RGS20: variants seen among roughly 807,000 people sequenced by gnomAD.
RGS20 encodes gz-selective GTPase-activating protein.
Under a neutral mutation model 33.6 loss-of-function variants are expected in RGS20, and 30 were observed. The ratio of observed to expected loss-of-function variants is 0.89; its 90% CI spans 0.67 to 1.21. The LOEUF (loss-of-function observed/expected upper bound fraction) is 1.21, where lower values mean the gene tolerates loss of function less well. Among genes scored for constraint, RGS20 ranks in the 50% most tolerant of loss-of-function variants. The probability of loss-of-function intolerance (pLI) is 0.00; values close to 1 mark genes in which losing one functional copy is unlikely to be tolerated. For synonymous variants in RGS20, 208 were observed against 197.9 expected (o/e 1.05, Z -0.43); for missense variants, 472 against 502.4 (o/e 0.94, Z 0.58).
intron 1 of RGS20, among the ~76,000 whole-genome samples, chr8:53,855,378 C>T (rs908459499): frequency 1.3e-5 from 2 of 152,108 alleles, no homozygotes; most frequent in African/African-American, 4.8e-5. Flanking sequence ...ATAAGCCACT[C>T]TTGAAATAAA....
intron 1 of RGS20, among the ~76,000 whole-genome samples, chr8:53,865,351 C>G (rs1811896225): frequency 6.6e-6 from 1 of 152,206 alleles, no homozygotes; most frequent in Non-Finnish European, 1.5e-5. Flanking sequence ...CAGCCTCTAT[C>G]CCACAGTTTC....
chr8:53,942,432 G>A (rs954950035), intron 3 of RGS20, among the ~76,000 whole-genome samples: 6 of 151,632 alleles, frequency 4.0e-5, no homozygotes, highest in Non-Finnish European at 7.4e-5. Context: ...GCACTCCAGT[G>A]TGTGTAACAG....
At chr8:53,928,549 C>T (rs1813865146) in intron 2 of RGS20, among the ~76,000 whole-genome samples, 1 of 152,248 alleles carries the variant, frequency 6.6e-6, no homozygotes, top group South Asian at 2.1e-4. Context: ...CTCACCAGGG[C>T]GCGGTGGCTT....
intron 2 of RGS20, among the ~76,000 whole-genome samples, chr8:53,885,339 C>T (rs1812509078): frequency 6.6e-6 from 1 of 152,272 alleles, no homozygotes; most frequent in South Asian, 2.1e-4. Flanking sequence ...AGAGGCCGGG[C>T]GCGGTGGCTC....
At chr8:53,855,186 T>A (rs1811646015) in intron 1 of RGS20, among the ~76,000 whole-genome samples, 3 of 152,094 alleles carry the variant, frequency 2.0e-5, no homozygotes, top group African/African-American at 7.2e-5. Context: ...CACCTCTGCC[T>A]CCCAAGAAGC....
chr8:53,868,653 A>AATATATAT (rs56657753), intron 1 of RGS20, among the ~76,000 whole-genome samples: 75 of 149,738 alleles, frequency 5.0e-4, no homozygotes, highest in African/African-American at 1.7e-3. Flanking sequence ...TTCACTGGTA[A>AATATATAT]ATATATATAT....
intron 5 of RGS20, 43 bp from the exon 5 acceptor site, chr8:53,958,227 A>T: frequency 7.0e-7 from 1 of 1,422,104 alleles, no homozygotes. Flanking sequence ...ATAGAGATAC[A>T]ACTGAAGTCT....
At chr8:53,890,509 C>T (rs1490479843) in intron 2 of RGS20, among the ~76,000 whole-genome samples, 1 of 152,070 alleles carries the variant, frequency 6.6e-6, no homozygotes, top group Non-Finnish European at 1.5e-5. Flanking sequence ...TGTGTAGGTT[C>T]TGGTAATTTC....
At chr8:53,885,702 G>A (rs1035318368) in intron 2 of RGS20, among the ~76,000 whole-genome samples, 2 of 152,040 alleles carry the variant, frequency 1.3e-5, no homozygotes, top group African/African-American at 4.8e-5. Flanking sequence ...TCTTCCAGGG[G>A]AGGTACTTCT....
chr8:53,890,239 T>C (rs939666946), intron 2 of RGS20, among the ~76,000 whole-genome samples: 1 of 152,230 alleles, frequency 6.6e-6, no homozygotes, highest in African/African-American at 2.4e-5. Flanking sequence ...CTGAGTCTTC[T>C]GTCAAATCAT....
intron 2 of RGS20, among the ~76,000 whole-genome samples, chr8:53,883,046 C>G (rs1812440810): frequency 6.6e-6 from 1 of 152,224 alleles, no homozygotes; most frequent in Non-Finnish European, 1.5e-5. Context: ...TTTTTTGGCA[C>G]AACCATAGTT....
Position 53,879,427 on chromosome 8 carries a change from C to G in RGS20, c.335C>G (p.Pro112Arg). The stretch of plus-strand genomic sequence containing the variant: ...TTCTCCCCCCTGCTTCCCGCCCTGC[C>G]GGCCGCCCGGCTCTCGAGGGGGCAC... Residue 112 changes from proline (P) to arginine (R), a missense_variant, in exon 2 of 6, where the codon CCG becomes CGG. This residue lies in a region of RGS20 where 319 missense variants were observed against 283.4 expected (regional missense o/e 1.13). Coordinates refer to ENST00000297313, the MANE Select transcript of RGS20 (RefSeq NM_170587.4). The G allele has an allele frequency of 6.2e-7, 1 of 1,606,814 alleles. No homozygotes were observed. Among genetic ancestry groups the G allele is most frequent in the Middle Eastern group, 1.7e-4 (1 of 5,942 alleles).
At chr8:53,880,943 C>T in intron 2 of RGS20, 1 of 1,561,190 alleles carries the variant, frequency 6.4e-7, no homozygotes, top group Non-Finnish European at 8.6e-7. Context: ...AGGCGAAAGG[C>T]GCGGTGAGCA....
chr8:53,892,674 G>A (rs570813911), intron 2 of RGS20, among the ~76,000 whole-genome samples: 15 of 152,242 alleles, frequency 9.9e-5, no homozygotes, highest in South Asian at 4.1e-4. Flanking sequence ...TTGCTTTAAC[G>A]TAATACATGT....
intron 2 of RGS20, among the ~76,000 whole-genome samples, chr8:53,899,711 T>C (rs1241321521): frequency 6.6e-6 from 1 of 152,202 alleles, no homozygotes; most frequent in Non-Finnish European, 1.5e-5. Flanking sequence ...AGCATCCTGT[T>C]TGCACAGTTC....
intron 2 of RGS20, among the ~76,000 whole-genome samples, chr8:53,881,587 C>G (rs1168746247): frequency 6.6e-6 from 1 of 152,006 alleles, no homozygotes; most frequent in South Asian, 2.1e-4. Flanking sequence ...ATCGTAGCGC[C>G]TCCTTTTAGG....
chr8:53,917,859 C>G (rs552436269), intron 2 of RGS20, among the ~76,000 whole-genome samples: 21 of 152,254 alleles, frequency 1.4e-4, no homozygotes, highest in African/African-American at 4.6e-4. Flanking sequence ...TCAAAAGAAA[C>G]CTTGTACCCA....
At chr8:53,866,612 C>T (rs1202835143) in intron 1 of RGS20, among the ~76,000 whole-genome samples, 1 of 152,110 alleles carries the variant, frequency 6.6e-6, no homozygotes, top group African/African-American at 2.4e-5. Flanking sequence ...GAACTCCTGA[C>T]CTTAGGTGAT....
chr8:53,873,337 G>T (rs1319201745), intron 1 of RGS20, among the ~76,000 whole-genome samples: 3 of 152,142 alleles, frequency 2.0e-5, no homozygotes, highest in African/African-American at 7.2e-5. Flanking sequence ...ATGCAAGAAT[G>T]GCCTGATACA....
Sources: allele counts gnomAD v4.1 joint callset (sites outside exome capture counted in the v4.1 genomes callset), GRCh38; gene constraint gnomAD v4.1.1; regional missense constraint gnomAD v4.1.1; transcripts MANE v1.5; gene names NCBI Gene and HGNC (gene_info 2026-07-23, HGNC 2026-07-21).